The following SLC30A10 variants were observed in gnomAD, a reference collection of about 807,000 sequenced individuals.
SLC30A10 encodes the protein solute carrier family 30 member 10.
SLC30A10 carries 8 observed loss-of-function variants against 21.7 expected under a neutral mutation model. The observed-to-expected ratio is 0.37, with a 90% CI of 0.22 to 0.67. The LOEUF (loss-of-function observed/expected upper bound fraction) is 0.67, where lower values mean the gene tolerates loss of function less well. SLC30A10 is among the 30% of genes least tolerant of loss of function. SLC30A10 has a pLI of 0.58. For missense variants in SLC30A10, 521 were observed against 642.5 expected, an observed-to-expected ratio of 0.81 and a Z score of 2.04; for synonymous variants, 272 against 279.4, an observed-to-expected ratio of 0.97 and a Z score of 0.26.
Position 219,914,720 on chromosome 1 carries a change from T to G in SLC30A10, c.*729A>C, listed in dbSNP as rs1225904829. ...TGTCATACTTCAGGAAACTGAAATA[T>G]TCCCTCACTTCCATGGAAAAAAATG... On this transcript the variant is annotated 3_prime_UTR_variant, in exon 4 of 4. Coordinates refer to ENST00000366926, the MANE Select transcript of SLC30A10 (RefSeq NM_018713.3). The G allele has an allele frequency of 6.6e-6, 1 of 152,214 alleles. No homozygotes were observed. Among genetic ancestry groups the G allele is most frequent in the East Asian group, 1.9e-4 (1 of 5,192 alleles). 9.4% of individuals were successfully genotyped at this position (152,214 alleles called of 1,614,324 possible).
In SLC30A10 at chr1:219,927,985, C is replaced by T; in HGVS notation, c.456G>A (p.Leu152=). The T allele has an allele frequency of 6.4e-7, 1 of 1,551,668 alleles. No homozygotes were observed. The highest frequency in any genetic ancestry group is 8.7e-7 in the Non-Finnish European group (1 of 1,148,606). ...CCTCCGCCAGCTGCTGCCGCTGCTG[C>T]AGGCGGCGACTGCGTCCCCGGAGGC... ...ACCLRGRSRR[L]QQRQQLAEGC... is the part of the protein sequence containing the mutation. The change falls in exon 1 of 4, where the codon CTG becomes CTA. Residue 152 remains leucine (L), a synonymous_variant. Coordinates refer to ENST00000366926, the MANE Select transcript of SLC30A10 (RefSeq NM_018713.3).
chr1:219,926,620 A>G (rs1308641016), intron 2 of SLC30A10, among the ~76,000 whole-genome samples: 1 of 152,170 alleles, frequency 6.6e-6, no homozygotes, highest in Non-Finnish European at 1.5e-5. Flanking sequence ...AGCTGATGCA[A>G]TAGGGTCACT....
At chr1:219,922,758 A>G (rs184016934) in intron 2 of SLC30A10, among the ~76,000 whole-genome samples, 17 of 152,358 alleles carry the variant, frequency 1.1e-4, no homozygotes, top group African/African-American at 3.8e-4. Context: ...GATGATAATG[A>G]TAACAGGCAC....
chr1:219,913,267 T>C lies in SLC30A10; in HGVS notation c.*2182A>G, dbSNP rs539534354. On this transcript the variant is annotated 3_prime_UTR_variant, in exon 4 of 4. Coordinates refer to ENST00000366926, the MANE Select transcript of SLC30A10 (RefSeq NM_018713.3). ...ACTTCATATTGACTCCAGGCCATAA[T>C]CTGGTATAACTGTCTATCAAGATAC... Among the ~76,000 whole-genome samples, 1 of 152,354 alleles carries C rather than the reference T, an allele frequency of 6.6e-6. No individual in the cohort carries two copies. The highest frequency in any genetic ancestry group is 6.5e-5 in the Admixed American group (1 of 15,308).
rs757737775 is a variant in SLC30A10, at chr1:219,915,658, G to C, written c.1249C>G (p.Pro417Ala). 1.9e-6 allele frequency: 3 copies of C among 1,614,226 alleles called. No homozygotes were observed. The highest frequency in any genetic ancestry group is 2.5e-6 in the Non-Finnish European group (3 of 1,180,046). Residue 417 changes from proline (P) to alanine (A), a missense_variant, in exon 4 of 4, where the codon CCC becomes GCC. Transcript: ENST00000366926. ...ACGTGAGCCAGAGGCAGTGCCCCGGGGGGACAACACAGCTGCTTAGCACAG... is the reference window on the plus strand; with the variant it reads ...ACGTGAGCCAGAGGCAGTGCCCCGGCGGGACAACACAGCTGCTTAGCACAG... ...KGCAKQLCCP[P>A]GALPLAHVNG...
In SLC30A10 at chr1:219,928,241, C is replaced by T. The variant is rs1659896583; in HGVS notation, c.200G>A (p.Gly67Asp). Residue 67 changes from glycine (G) to aspartate (D), a missense_variant, in exon 1 of 4, where the codon GGC (glycine) becomes GAC (aspartate). Physicochemically the swap from Gly to Asp is moderately conservative, Grantham distance 94. Transcript: ENST00000366926. The surrounding 1 kb of genome is among the most constrained non-coding windows in gnomAD (Gnocchi z 6.3). ...GGCGTAGCCGTAGGTGGCGCTGAAG[C>T]CCCGGGTGGGGCGCCGGGCGATGTA... is the stretch of plus-strand genomic sequence containing the variant. The part of the protein sequence containing the change: ...AGYIARRPTR[G>D]FSATYGYARA... 1.9e-6 allele frequency: 3 copies of T among 1,575,094 alleles called. No individual in the cohort carries two copies. The highest frequency in any genetic ancestry group is 1.1e-5 in the South Asian group (1 of 86,982).
chr1:219,936,669 GC>G (rs1660049540), intron 1 of SLC30A10, among the ~76,000 whole-genome samples: 1 of 152,194 alleles, frequency 6.6e-6, no homozygotes, highest in African/African-American at 2.4e-5. Flanking sequence ...GTGACTTGGA[GC>G]CCCTGGTAAT....
At chr1:219,940,836 A>G (rs1660110370) in intron 1 of SLC30A10, among the ~76,000 whole-genome samples, 4 of 152,200 alleles carry the variant, frequency 2.6e-5, no homozygotes, top group Admixed American at 2.6e-4. Flanking sequence ...TAATTGGAAA[A>G]TGCCTTTCAA....
chr1:219,930,297 C>A (rs1016012933), upstream of SLC30A10, among the ~76,000 whole-genome samples: 6 of 151,926 alleles, frequency 3.9e-5, no homozygotes, highest in Non-Finnish European at 7.4e-5. Context: ...TATAGGGAAA[C>A]CCCATCTCTA....
intron 1 of SLC30A10, among the ~76,000 whole-genome samples, chr1:219,949,712 G>C (rs1394309298): frequency 2.0e-5 from 3 of 150,794 alleles, no homozygotes; most frequent in Non-Finnish European, 4.4e-5. Context: ...TAACTAACCT[G>C]CACATTGTGC....
intron 1 of SLC30A10, among the ~76,000 whole-genome samples, chr1:219,947,760 G>T (rs923317279): frequency 6.6e-6 from 1 of 152,086 alleles, no homozygotes; most frequent in Non-Finnish European, 1.5e-5. Flanking sequence ...AACCCGGGGG[G>T]CAGAGGTTGC....
chr1:219,937,509 C>T (rs1398736711), intron 1 of SLC30A10, among the ~76,000 whole-genome samples: 1 of 152,168 alleles, frequency 6.6e-6, no homozygotes, highest in Non-Finnish European at 1.5e-5. Flanking sequence ...ATCTGTCTTC[C>T]AGTTGCTTTA....
rs1463675719 is a variant in SLC30A10, at chr1:219,913,518, C to G, written c.*1931G>C. The G allele has an allele frequency of 6.6e-6, 1 of 152,070 alleles. No individual in the cohort carries two copies. Among genetic ancestry groups the G allele is most frequent in the Non-Finnish European group, 1.5e-5 (1 of 67,998 alleles). The allele number at this position is 152,070 out of a possible 1,614,324, so 9.4% of individuals were successfully genotyped here. On this transcript the variant is annotated 3_prime_UTR_variant, in exon 4 of 4. Coordinates refer to ENST00000366926, the MANE Select transcript of SLC30A10 (RefSeq NM_018713.3). ...AGTCAGAGAAAAATTTCTTTTTTGG[C>G]TCTAAGGAATTTCAACCAATGTTTA...
upstream of SLC30A10, among the ~76,000 whole-genome samples, chr1:219,933,283 T>C (rs1022758277): frequency 6.6e-6 from 1 of 152,160 alleles, no homozygotes; most frequent in African/African-American, 2.4e-5. Flanking sequence ...TGTCTCCTAA[T>C]AGCCCTGGCC....
intron 2 of SLC30A10, 52 bp downstream of exon 2, chr1:219,926,976 G>A: frequency 7.2e-7 from 1 of 1,387,008 alleles, no homozygotes; most frequent in East Asian, 2.3e-5. Flanking sequence ...AAACAACACA[G>A]TCCATGTGTG....
At chr1:219,941,791 G>A (rs918391369) in intron 1 of SLC30A10, among the ~76,000 whole-genome samples, 1 of 151,824 alleles carries the variant, frequency 6.6e-6, no homozygotes, top group South Asian at 2.1e-4. Flanking sequence ...AGCCCAGGAT[G>A]TCACTGCTGC....
At chr1:219,938,944 T>C (rs572513839) in intron 1 of SLC30A10, among the ~76,000 whole-genome samples, 1 of 152,350 alleles carries the variant, frequency 6.6e-6, no homozygotes, top group East Asian at 1.9e-4. Context: ...AGAAGAATGC[T>C]GCTGTCGTAG....
At chr1:219,927,630 GGATTT>G (rs1339290888) in intron 1 of SLC30A10, among the ~76,000 whole-genome samples, 166 bp downstream of exon 1, 1 of 111,018 alleles carries the variant, frequency 9.0e-6, no homozygotes, top group African/African-American at 3.4e-5. Context: ...TAAAGGGAAT[GGATTT>G]ATTAAAAAAA....
At position 219,911,148 on chromosome 1, in the gene SLC30A10, A is replaced by AGTTTTT. The variant is rs1659400274; in HGVS notation, c.*4295_*4300dup. 2.6e-5 allele frequency among the ~76,000 whole-genome samples: 1 copy of AGTTTTT among 38,592 alleles called. No individual in the cohort carries two copies. The allele number at this position is 38,592 out of a possible 152,430, so 25.3% of individuals were successfully genotyped here. On this transcript the variant is annotated 3_prime_UTR_variant, in exon 4 of 4. Transcript: ENST00000366926. Reference sequence around the variant, plus strand: ...CATGTTTCTTCATTTTTTCTACATCAGTTTTTTTTTTTTTTTTTTTTTTTT... The same window carrying AGTTTTT: ...CATGTTTCTTCATTTTTTCTACATCAGTTTTTGTTTTTTTTTTTTTTTTTTTTTTTT...
Sources: allele counts gnomAD v4.1 joint callset (sites outside exome capture counted in the v4.1 genomes callset), GRCh38; gene constraint gnomAD v4.1.1; non-coding constraint Gnocchi (gnomAD v3.1); transcripts MANE v1.5; gene names NCBI Gene and HGNC (gene_info 2026-07-23, HGNC 2026-07-21).